The following USH2A variants were observed in gnomAD, a reference collection of about 807,000 sequenced individuals.
USH2A encodes the protein Usher syndrome 2A (autosomal recessive, mild).
Under a neutral mutation model 538.9 loss-of-function variants are expected in USH2A, and 443 were observed. That is an observed-to-expected ratio of 0.82 (90% confidence interval 0.76 to 0.89). The LOEUF is 0.89. Ranked by LOEUF, USH2A falls within the 40% of genes least tolerant of loss-of-function variation. The pLI, the probability that USH2A is intolerant of heterozygous loss-of-function variation, is 0.00. For synonymous variants in USH2A, 2,413 were observed against 2,273.5 expected (o/e 1.06, Z -1.75); for missense variants, 6,633 against 6,324.8 (o/e 1.05, Z -1.65).
intron 32 of USH2A, among the ~76,000 whole-genome samples, chr1:216,034,905 T>C (rs1421079968): frequency 6.6e-6 from 1 of 152,156 alleles, no homozygotes; most frequent in Admixed American, 6.5e-5. Context: ...TAAGCAGCAC[T>C]AGGAAACTAA....
intron 64 of USH2A, among the ~76,000 whole-genome samples, chr1:215,654,336 C>T (rs1339526025): frequency 6.6e-6 from 1 of 152,180 alleles, no homozygotes; most frequent in Non-Finnish European, 1.5e-5. Context: ...CACCCTCTTA[C>T]AGGCCCTGGT....
rs2032226056 is a variant in USH2A at position 216,089,144 on chromosome 1, A to T, written c.4759-5T>A. The T allele has an allele frequency of 1.2e-6, 2 of 1,612,096 alleles. No individual in the cohort carries two copies. Among genetic ancestry groups the T allele is most frequent in the Non-Finnish European group, 1.7e-6 (2 of 1,178,572 alleles). On this transcript the variant is annotated splice_polypyrimidine_tract_variant and splice_region_variant and intron_variant, in intron 22 of 71. Coordinates refer to ENST00000307340, the MANE Select transcript of USH2A (RefSeq NM_206933.4). ...AGTTACTTCCACTGGTGACCCCTTA[A>T]GGGAATGAATGAATAAATAAATGTT...
chr1:216,289,043 G>C (rs2036944118), intron 11 of USH2A, among the ~76,000 whole-genome samples: 1 of 151,868 alleles, frequency 6.6e-6, no homozygotes, highest in East Asian at 1.9e-4. Flanking sequence ...TCGATTTTTT[G>C]ACATTTGTAA....
At chr1:215,905,534 T>C (rs1453719637) in intron 38 of USH2A, among the ~76,000 whole-genome samples, 1 of 151,932 alleles carries the variant, frequency 6.6e-6, no homozygotes, top group African/African-American at 2.4e-5. Flanking sequence ...AATAACTGTA[T>C]CACCAAAAAA....
chr1:216,096,294 C>T (rs1226189537), intron 22 of USH2A, among the ~76,000 whole-genome samples: 1 of 152,184 alleles, frequency 6.6e-6, no homozygotes, highest in African/African-American at 2.4e-5. Context: ...ACCTCAGGCA[C>T]TTAATATTTG....
At position 216,003,599 on chromosome 1, in the gene USH2A, A is replaced by T. The variant is rs538825648; in HGVS notation, c.6326-3037T>A. ...GCAGAGCAAAGCTGTGGAAGGAGGG[A>T]CATGCCTGACACTCTTGAGGACTAG... On this transcript the variant is annotated intron_variant, in intron 32 of 71. Coordinates refer to ENST00000307340, the MANE Select transcript of USH2A (RefSeq NM_206933.4). Among the ~76,000 whole-genome samples, 4 of 152,178 alleles carry T rather than the reference A, an allele frequency of 2.6e-5. No individual in the cohort carries two copies. In the South Asian group the frequency reaches 8.3e-4, roughly 32 times the overall value.
At chr1:215,660,060 G>A (rs1657394660) in intron 64 of USH2A, among the ~76,000 whole-genome samples, 1 of 152,178 alleles carries the variant, frequency 6.6e-6, no homozygotes, top group Admixed American at 6.5e-5. Flanking sequence ...ATTTTTGAAA[G>A]TCCCAAAGCT....
chr1:216,097,003 G>T (rs2032456142), intron 22 of USH2A, 80 bp downstream of exon 22: 1 of 1,362,662 alleles, frequency 7.3e-7, no homozygotes, highest in African/African-American at 1.5e-5. Flanking sequence ...AAGATTCAGT[G>T]TGAAAACAGA....
rs531985155 is a variant in USH2A, at chr1:216,178,242, C to T, written c.4397-2760G>A. The stretch of plus-strand genomic sequence containing the variant: ...CAATTCTGGTTATTTTCTGCCACTG[C>T]AGCCCATGTGATATTTTATTTTTAT... On this transcript the variant is annotated intron_variant, in intron 20 of 71. Transcript: ENST00000307340. Among the ~76,000 whole-genome samples the T allele has an allele frequency of 3.9e-5, 6 of 152,278 alleles. 1 individual carries two copies. The South Asian group carries it at 1.2e-3, about 32-fold the overall frequency.
chr1:215,896,855 T>G (rs934925081), intron 40 of USH2A, among the ~76,000 whole-genome samples: 1 of 152,202 alleles, frequency 6.6e-6, no homozygotes, highest in Admixed American at 6.6e-5. Context: ...AAAAATAATG[T>G]GTTGTTTGTA....
At chr1:215,870,287 ATTT>A (rs754723581) in intron 43 of USH2A, among the ~76,000 whole-genome samples, 10 of 145,194 alleles carry the variant, frequency 6.9e-5, no homozygotes, top group African/African-American at 2.6e-4. Context: ...TTTATTTTTT[ATTT>A]TTTTTTTATT....
chr1:216,083,690 C>T, intron 25 of USH2A, 104 bp from the exon 26 acceptor site: 1 of 1,169,432 alleles, frequency 8.6e-7, no homozygotes, highest in Non-Finnish European at 1.2e-6. Context: ...CTGAGTAAAT[C>T]TCACAAAAGA....
intron 64 of USH2A, among the ~76,000 whole-genome samples, chr1:215,655,986 C>T (rs577783926): frequency 2.9e-4 from 44 of 152,124 alleles, no homozygotes; most frequent in African/African-American, 1.0e-3. Context: ...TGCCCACCTC[C>T]GCCTCACAAA....
intron 61 of USH2A, among the ~76,000 whole-genome samples, chr1:215,689,509 GTCA>G (rs1658533429): frequency 6.6e-6 from 1 of 152,240 alleles, no homozygotes; most frequent in African/African-American, 2.4e-5. Flanking sequence ...CCTGAGTGCA[GTCA>G]GGGCCTATGC....
intron 38 of USH2A, among the ~76,000 whole-genome samples, chr1:215,917,712 G>A (rs916644965): frequency 2.1e-5 from 3 of 145,554 alleles, no homozygotes; most frequent in African/African-American, 7.7e-5. Context: ...GGGAGGCTGA[G>A]ATGGGCAGAT....
At chr1:216,257,418 T>G (rs540699369) in intron 11 of USH2A, among the ~76,000 whole-genome samples, 9 of 152,210 alleles carry the variant, frequency 5.9e-5, no homozygotes, top group African/African-American at 2.2e-4. Context: ...TGCCTTTGTA[T>G]TTAACACGTC....
chr1:215,773,268 T>C (rs1661344219), intron 55 of USH2A, among the ~76,000 whole-genome samples: 1 of 152,130 alleles, frequency 6.6e-6, no homozygotes, highest in African/African-American at 2.4e-5. Flanking sequence ...CAGCCACTTG[T>C]ACTGTAAGGC....
At chr1:216,363,304 A>G (rs1343875426) in intron 4 of USH2A, among the ~76,000 whole-genome samples, 2 of 152,172 alleles carry the variant, frequency 1.3e-5, no homozygotes, top group Non-Finnish European at 2.9e-5. Context: ...GTTTTACATG[A>G]CATTGCTTCA....
chr1:216,101,225 C>A (rs953798901), intron 21 of USH2A, among the ~76,000 whole-genome samples: 2 of 152,060 alleles, frequency 1.3e-5, no homozygotes, highest in African/African-American at 4.8e-5. Context: ...GTAATCAATT[C>A]TTTAAATGAA....
Sources: allele counts gnomAD v4.1 joint callset (sites outside exome capture counted in the v4.1 genomes callset), GRCh38; gene constraint gnomAD v4.1.1; transcripts MANE v1.5; gene names NCBI Gene and HGNC (gene_info 2026-07-23, HGNC 2026-07-21).